Variants in ARHGAP39 observed in about 807,000 individuals in gnomAD.
ARHGAP39 encodes rho GTPase-activating protein 39.
ARHGAP39 carries 44 observed loss-of-function variants against 106.9 expected under a neutral mutation model. The ratio of observed to expected loss-of-function variants is 0.41; its 90% CI spans 0.32 to 0.53. ARHGAP39 has a LOEUF of 0.53. ARHGAP39 is among the 20% of genes least tolerant of loss of function. The pLI, the probability that ARHGAP39 is intolerant of heterozygous loss-of-function variation, is 0.21. For missense variants in ARHGAP39, 1,496 were observed against 1,577.3 expected, an observed-to-expected ratio of 0.95 and a Z score of 0.87; for synonymous variants, 768 against 693.2, an observed-to-expected ratio of 1.11 and a Z score of -1.69.
In ARHGAP39 at chr8:144,548,131, C is replaced by T. The variant is rs1817543796; in HGVS notation, c.955G>A (p.Glu319Lys). 3 of 1,577,276 alleles carry T rather than the reference C, an allele frequency of 1.9e-6. No individual in the cohort carries two copies. The highest frequency in any genetic ancestry group is 2.6e-6 in the Non-Finnish European group (3 of 1,161,430). Residue 319 changes from glutamate (E) to lysine (K), a missense_variant, in exon 5 of 12, where the codon GAG (glutamate) becomes AAG (lysine). Physicochemically the swap from Glu to Lys is moderately conservative, Grantham distance 56 (BLOSUM62 1). Around this residue, in one of 4 missense-constraint regions of ARHGAP39, gnomAD observed 905 missense variants for 816.4 expected, o/e 1.11. Coordinates refer to ENST00000377307, the MANE Select transcript of ARHGAP39 (RefSeq NM_025251.3). This position sits in a 1 kb window ranked among gnomAD's most constrained non-coding sequence, Gnocchi z 7.4. ...EPPLYEEPPVEYQAPIYDEPP... is the reference protein window; with the variant it reads ...EPPLYEEPPVKYQAPIYDEPP... ...TCATCGTAGATGGGGGCCTGGTACT[C>T]CACTGGGGGCTCCTCGTAGAGCGGG... is the stretch of plus-strand genomic sequence containing the variant.
chr8:144,589,855 G>A (rs1269094538), intron 2 of ARHGAP39, among the ~76,000 whole-genome samples: 2 of 152,250 alleles, frequency 1.3e-5, no homozygotes, highest in African/African-American at 4.8e-5. Flanking sequence ...TCCTCCAGAA[G>A]CCTTAGGACA....
intron 1 of ARHGAP39, among the ~76,000 whole-genome samples, chr8:144,660,229 T>C (rs1282030611): frequency 6.6e-6 from 1 of 152,168 alleles, no homozygotes; most frequent in Non-Finnish European, 1.5e-5. Flanking sequence ...GCAGCACCTA[T>C]TCCCACAAGC....
intron 1 of ARHGAP39, 161 bp from the exon 2 acceptor site, chr8:144,605,856 TGATGCCTGGCCCTGCGTTGCAGC>T: frequency 1.8e-6 from 1 of 556,834 alleles, no homozygotes; most frequent in Non-Finnish European, 3.2e-6. Flanking sequence ...TCAGTGCTCC[TGATGCCTGGCCCTGCGTTGCAGC>T]GAAGCCTGGC....
intron 1 of ARHGAP39, among the ~76,000 whole-genome samples, chr8:144,608,602 T>C (rs1236514046): frequency 6.6e-6 from 1 of 152,234 alleles, no homozygotes; most frequent in East Asian, 1.9e-4. Flanking sequence ...CATTTCTATA[T>C]GAATTTCAGG....
In ARHGAP39 at chr8:144,646,355, C is replaced by T. The variant is rs567128920; in HGVS notation, c.-82+39331G>A. On this transcript the variant is annotated intron_variant, in intron 1 of 11. Transcript: ENST00000377307. This position sits in a 1 kb window ranked among gnomAD's most constrained non-coding sequence, Gnocchi z 5.7. Reference sequence around the variant, plus strand: ...ACTGGGAGTTGGCAGGAACAGAGAGCGGGAGGGGAGGGAGTGAAACTTCGT... The same window carrying T: ...ACTGGGAGTTGGCAGGAACAGAGAGTGGGAGGGGAGGGAGTGAAACTTCGT... Among the ~76,000 whole-genome samples, 6 of 152,156 alleles carry T rather than the reference C, an allele frequency of 3.9e-5. No individual in the cohort carries two copies. The highest frequency in any genetic ancestry group is 2.1e-4 in the South Asian group (1 of 4,812).
intron 2 of ARHGAP39, among the ~76,000 whole-genome samples, chr8:144,583,441 G>A (rs1044499212): frequency 2.6e-5 from 4 of 152,180 alleles, no homozygotes; most frequent in African/African-American, 7.2e-5. Context: ...AGGCACAGAC[G>A]GGGTCTGCCC....
Position 144,533,135 on chromosome 8 carries a change from C to T in ARHGAP39, c.2879G>A (p.Gly960Asp). The T allele has an allele frequency of 6.2e-7, 1 of 1,600,868 alleles. No homozygotes were observed. Among genetic ancestry groups the T allele is most frequent in the Non-Finnish European group, 8.5e-7 (1 of 1,174,704 alleles). ...VLALNGDQTE[G>D]IFRVPGDIDE... ...GGGGTTGCCGTGGCACCTGAAGATG[C>T]CCTCTGTCTGGTCACCGTTGAGCGC... is the stretch of plus-strand genomic sequence containing the variant. The change falls in exon 9 of 12, where the codon GGC becomes GAC. Residue 960 changes from glycine to aspartate, a missense_variant. This residue lies in a region of ARHGAP39 where 470 missense variants were observed against 605.1 expected (regional missense o/e 0.78). Transcript: ENST00000377307.
chr8:144,588,243 C>T (rs74957642), intron 2 of ARHGAP39, among the ~76,000 whole-genome samples: 3 of 152,288 alleles, frequency 2.0e-5, no homozygotes, highest in East Asian at 1.9e-4. Flanking sequence ...AGGGCCGCCC[C>T]GAGGGCTCCT....
chr8:144,602,604 G>A (rs1470085861), intron 2 of ARHGAP39, among the ~76,000 whole-genome samples: 6 of 138,824 alleles, frequency 4.3e-5, no homozygotes, highest in Admixed American at 7.4e-5. Context: ...GTGTGTGTGC[G>A]AGCTCATGTA....
intron 2 of ARHGAP39, among the ~76,000 whole-genome samples, chr8:144,598,723 AG>A (rs1345339610): frequency 6.6e-6 from 1 of 152,246 alleles, no homozygotes; most frequent in African/African-American, 2.4e-5. Context: ...CTCTTTCTCC[AG>A]TCACCTGGAT....
intron 2 of ARHGAP39, among the ~76,000 whole-genome samples, chr8:144,602,481 TGTGC>T (rs1158388729): frequency 7.6e-6 from 1 of 131,426 alleles, no homozygotes; most frequent in Non-Finnish European, 1.6e-5. Context: ...GTGCGTGGTG[TGTGC>T]GCGAGCTCAT....
intron 1 of ARHGAP39, among the ~76,000 whole-genome samples, chr8:144,607,282 G>A (rs1245492733): frequency 1.4e-5 from 2 of 147,984 alleles, no homozygotes; most frequent in Non-Finnish European, 1.5e-5. Flanking sequence ...TGAATGCACA[G>A]AGTACAGTTG....
chr8:144,587,460 C>T (rs1231317008), intron 2 of ARHGAP39, among the ~76,000 whole-genome samples: 1 of 152,130 alleles, frequency 6.6e-6, no homozygotes, highest in Non-Finnish European at 1.5e-5. Flanking sequence ...TCTAAAATGT[C>T]AAAATAAATC....
At chr8:144,570,239 GAAAC>G (rs1290339275) in intron 3 of ARHGAP39, among the ~76,000 whole-genome samples, 7 of 152,016 alleles carry the variant, frequency 4.6e-5, no homozygotes, top group Non-Finnish European at 8.8e-5. Flanking sequence ...AACAAACAAA[GAAAC>G]AAACAAACAA....
At chr8:144,565,849 C>G (rs141659997) in intron 3 of ARHGAP39, among the ~76,000 whole-genome samples, 1 of 148,046 alleles carries the variant, frequency 6.8e-6, no homozygotes, top group Non-Finnish European at 1.5e-5. Context: ...TGTCGCACTA[C>G]GGGAGGCTGA....
At chr8:144,626,579 C>T (rs1820921419) in intron 1 of ARHGAP39, among the ~76,000 whole-genome samples, 1 of 142,794 alleles carries the variant, frequency 7.0e-6, no homozygotes, top group South Asian at 2.3e-4. Context: ...CCACTGCACA[C>T]TGCGGCATCC....
chr8:144,659,997 T>C (rs769909605), intron 1 of ARHGAP39, among the ~76,000 whole-genome samples: 33 of 152,194 alleles, frequency 2.2e-4, no homozygotes, highest in Admixed American at 2.2e-3. Flanking sequence ...GGACATTCCT[T>C]GGGTGGTGTT....
chr8:144,586,069 C>T lies in ARHGAP39; in HGVS notation c.81-4792G>A, dbSNP rs907069760. The stretch of plus-strand genomic sequence containing the variant: ...TCTCAGCTCACTGCAACCTCCACCT[C>T]CCAGGTTTAAGCAGTTCTCCTGCCT... On this transcript the variant is annotated intron_variant, in intron 2 of 11. Transcript: ENST00000377307. This position sits in a 1 kb window ranked among gnomAD's most constrained non-coding sequence, Gnocchi z 4.2. Among the ~76,000 whole-genome samples, 1 of 152,168 alleles carries T rather than the reference C, an allele frequency of 6.6e-6. No homozygotes were observed. The highest frequency in any genetic ancestry group is 1.5e-5 in the Non-Finnish European group (1 of 68,034).
At chr8:144,570,550 A>C (rs1243530829) in intron 3 of ARHGAP39, among the ~76,000 whole-genome samples, 1 of 152,222 alleles carries the variant, frequency 6.6e-6, no homozygotes, top group East Asian at 1.9e-4. Context: ...GTCTAGCAGG[A>C]AAACGATTCC....
Sources: gnomAD v4.1 joint callset for allele counts (sites outside exome capture counted in the v4.1 genomes callset) on GRCh38, gnomAD v4.1.1 for gene constraint, gnomAD v4.1.1 regional missense constraint, Gnocchi (gnomAD v3.1) non-coding constraint, MANE v1.5 for transcripts, NCBI Gene and HGNC (gene_info 2026-07-23, HGNC 2026-07-21) for gene names.